The following INO80 variants were observed in gnomAD, a reference collection of about 807,000 sequenced individuals.
INO80 encodes chromatin-remodeling ATPase INO80.
Under a neutral mutation model 203.4 loss-of-function variants are expected in INO80, and 20 were observed. That is an observed-to-expected ratio of 0.10 (90% CI 0.07 to 0.14). The LOEUF (loss-of-function observed/expected upper bound fraction) is 0.14. INO80 is among the 10% of genes least tolerant of loss of function. The pLI is 1.00. For missense variants in INO80, 1,419 were observed against 1,914.4 expected, an observed-to-expected ratio of 0.74 and a Z score of 4.83; for synonymous variants, 726 against 685.2, an observed-to-expected ratio of 1.06 and a Z score of -0.93.
At chr15:41,026,969 T>A (rs1184113530) in intron 25 of INO80, among the ~76,000 whole-genome samples, 1 of 152,234 alleles carries the variant, frequency 6.6e-6, no homozygotes, top group Non-Finnish European at 1.5e-5. Context: ...ACTGCTAAAG[T>A]TGAAACCACA....
chr15:41,022,718 CTG>C (rs1453556413), intron 25 of INO80, among the ~76,000 whole-genome samples: 1 of 152,212 alleles, frequency 6.6e-6, no homozygotes, highest in Non-Finnish European at 1.5e-5. Flanking sequence ...TCACAGCAAA[CTG>C]GGCCTGGAGT....
intron 24 of INO80, among the ~76,000 whole-genome samples, chr15:41,032,023 C>A (rs2927064): frequency 2.4e-5 from 2 of 82,646 alleles, no homozygotes; most frequent in African/African-American, 8.3e-5. Context: ...CACAGCACAG[C>A]ACAGCACAGC....
Position 41,073,730 on chromosome 15 carries a change from C to CA in INO80, c.1328-236dup, listed in dbSNP as rs3214889. On this transcript the variant is annotated intron_variant, in intron 10 of 35. Coordinates refer to ENST00000648947, the MANE Select transcript of INO80 (RefSeq NM_017553.3). Reference sequence around the variant, plus strand: ...AGCAAGCTCACAAAAAACATCACGGCACTGCCTCTCAGTACTGGGGTTTCT... The same window carrying CA: ...AGCAAGCTCACAAAAAACATCACGGCAACTGCCTCTCAGTACTGGGGTTTCT... Among the ~76,000 whole-genome samples the CA allele has an allele frequency of 3.3e-3, 500 of 152,284 alleles. 9 individuals are homozygous for CA. Among genetic ancestry groups the CA allele is most frequent in the East Asian group, 0.028 (147 of 5,194 alleles).
rs564831019 is a variant in INO80, at chr15:41,102,278, TA to T, written c.-43-5926del. On this transcript the variant is annotated intron_variant, in intron 1 of 35. Transcript: ENST00000648947. ...ATTTTAAAGTACATACTGTGTAAGT[TA>T]CTTTATTTATGTTTCCCCAATATAT... Among the ~76,000 whole-genome samples, 81 of 152,348 alleles carry T rather than the reference TA, an allele frequency of 5.3e-4. 2 individuals carry two copies. Among genetic ancestry groups the T allele is most frequent in the African/African-American group, 1.9e-3 (78 of 41,580 alleles).
rs185327038 is a variant in INO80, at chr15:41,074,292, C to T, written c.1327+78G>A. On this transcript the variant is annotated intron_variant, in intron 10 of 35. Coordinates refer to ENST00000648947, the MANE Select transcript of INO80 (RefSeq NM_017553.3). Reference sequence around the variant, plus strand: ...ATTACCTATGAATCAATAAAAAATTCGCAAAAATTAATGTATATAACCTTT... The same window carrying T: ...ATTACCTATGAATCAATAAAAAATTTGCAAAAATTAATGTATATAACCTTT... 3,696 of 1,024,946 alleles carry T rather than the reference C, an allele frequency of 3.6e-3. 18 individuals carry two copies. The highest frequency in any genetic ancestry group is 0.011 in the South Asian group (471 of 43,318). The allele number at this position is 1,024,946 out of a possible 1,614,324, so 63.5% of individuals were successfully genotyped here. A position where few individuals can be genotyped will look rare whatever the true frequency, so the allele number is the denominator to read the frequency against.
At chr15:41,010,294 T>C (rs2044114785) in intron 27 of INO80, among the ~76,000 whole-genome samples, 1 of 152,246 alleles carries the variant, frequency 6.6e-6, no homozygotes, top group Non-Finnish European at 1.5e-5. Flanking sequence ...GTAGGTGCTA[T>C]TAAATATTTT....
At chr15:41,065,921 G>C (rs2045203303) in intron 14 of INO80, among the ~76,000 whole-genome samples, 1 of 150,772 alleles carries the variant, frequency 6.6e-6, no homozygotes, top group Non-Finnish European at 1.5e-5. Context: ...TGATGAAAAA[G>C]TTATGAAACT....
At chr15:40,982,197 A>C (rs1385951441) in intron 35 of INO80, among the ~76,000 whole-genome samples, 1 of 152,180 alleles carries the variant, frequency 6.6e-6, no homozygotes, top group Non-Finnish European at 1.5e-5. Context: ...CCCATGCTGG[A>C]GTGCAGTGAC....
chr15:41,000,958 C>A (rs1318461608), intron 28 of INO80, among the ~76,000 whole-genome samples: 1 of 151,938 alleles, frequency 6.6e-6, no homozygotes, highest in Admixed American at 6.6e-5. Flanking sequence ...TAGATGAATT[C>A]AATGTAATTT....
chr15:41,108,705 A>T (rs2045918013), intron 1 of INO80, among the ~76,000 whole-genome samples: 1 of 152,162 alleles, frequency 6.6e-6, no homozygotes, highest in South Asian at 2.1e-4. Context: ...AATTCGACTA[A>T]TCATATATAG....
At chr15:41,028,639 C>CT (rs2044412610) in intron 24 of INO80, among the ~76,000 whole-genome samples, 1 of 152,028 alleles carries the variant, frequency 6.6e-6, no homozygotes, top group African/African-American at 2.4e-5. Flanking sequence ...AGGTGATCAC[C>CT]TGAGGTCAGG....
intron 24 of INO80, 148 bp downstream of exon 24, chr15:41,044,756 A>C: frequency 1.6e-6 from 1 of 611,126 alleles, no homozygotes; most frequent in East Asian, 2.9e-5. Flanking sequence ...GTGTAAATTA[A>C]GTTAGAACTC....
chr15:40,983,126 T>A (rs1280146067), intron 34 of INO80, 49 bp from the exon 35 acceptor site: 1 of 1,425,632 alleles, frequency 7.0e-7, no homozygotes, highest in East Asian at 2.3e-5. Flanking sequence ...AAAAAGTCAA[T>A]CTCCAAGATG....
intron 29 of INO80, among the ~76,000 whole-genome samples, chr15:40,992,989 C>G (rs2043835555): frequency 6.6e-6 from 1 of 152,150 alleles, no homozygotes; most frequent in Non-Finnish European, 1.5e-5. Context: ...CAGATGGGGT[C>G]TTGCTATGTG....
At chr15:41,079,378 G>C (rs796858185) in intron 9 of INO80, among the ~76,000 whole-genome samples, 41 of 152,176 alleles carry the variant, frequency 2.7e-4, no homozygotes, top group African/African-American at 9.9e-4. Context: ...AGACAGCTTA[G>C]AAGAAAAGAG....
chr15:41,091,607 C>T (rs2045643540), intron 5 of INO80, among the ~76,000 whole-genome samples: 1 of 151,100 alleles, frequency 6.6e-6, no homozygotes. Context: ...CTTACACTCA[C>T]TACTGAGGAT....
chr15:40,982,914 A>T lies in INO80; in HGVS notation c.4401T>A (p.Ala1467=). ...CATAGGCAGCTGCAGAGGCCGCTGC[A>T]GCCCCGGCTTTGGCTCCTGCCATTG... ...AAAMAGAKAG[A]AAASAAAYAA... The change falls in exon 35 of 36, where the codon GCT becomes GCA. Residue 1467 remains alanine, a synonymous_variant. Transcript: ENST00000648947. The T allele has an allele frequency of 6.2e-7, 1 of 1,614,058 alleles. No individual in the cohort carries two copies.
At chr15:41,059,618 C>A (rs2045065534) in intron 15 of INO80, among the ~76,000 whole-genome samples, 1 of 150,822 alleles carries the variant, frequency 6.6e-6, no homozygotes, top group South Asian at 2.1e-4. Context: ...CATGCCACTG[C>A]ACTCCAGCCT....
At chr15:41,010,527 G>A (rs1448230353) in intron 27 of INO80, among the ~76,000 whole-genome samples, 1 of 151,928 alleles carries the variant, frequency 6.6e-6, no homozygotes, top group Non-Finnish European at 1.5e-5. Context: ...GGCAGACCTA[G>A]GACTGAAACT....
Sources: gnomAD v4.1 joint callset for allele counts (sites outside exome capture counted in the v4.1 genomes callset) on GRCh38, gnomAD v4.1.1 for gene constraint, MANE v1.5 for transcripts, NCBI Gene and HGNC (gene_info 2026-07-23, HGNC 2026-07-21) for gene names.